Variants in HTR7 observed in about 807,000 individuals in gnomAD.
HTR7 encodes the protein 5-HT-7.
A neutral mutation model predicts 34.0 loss-of-function variants in HTR7; 16 were observed. The ratio of observed to expected loss-of-function variants is 0.47; its 90% CI spans 0.32 to 0.71. The LOEUF (loss-of-function observed/expected upper bound fraction) is 0.71, where lower values mean the gene tolerates loss of function less well. HTR7 is among the 30% of genes least tolerant of loss of function. The pLI, the probability that HTR7 is intolerant of heterozygous loss-of-function variation, is 0.04. For synonymous variants in HTR7, 265 were observed against 260.2 expected (o/e 1.02, Z -0.18); for missense variants, 504 against 625.5 (o/e 0.81, Z 2.07).
intron 1 of HTR7, among the ~76,000 whole-genome samples, chr10:90,817,277 G>A (rs1845911442): frequency 6.6e-6 from 1 of 152,194 alleles, no homozygotes; most frequent in Non-Finnish European, 1.5e-5. Flanking sequence ...CACACTTCCT[G>A]ATACTCCCAC....
At chr10:90,759,922 A>G (rs1844907185) in intron 1 of HTR7, among the ~76,000 whole-genome samples, 1 of 152,222 alleles carries the variant, frequency 6.6e-6, no homozygotes, top group African/African-American at 2.4e-5. Context: ...TGTAACATAT[A>G]GTTTATACAA....
intron 1 of HTR7, among the ~76,000 whole-genome samples, chr10:90,752,925 A>C (rs1226414124): frequency 6.6e-6 from 1 of 152,214 alleles, no homozygotes; most frequent in Non-Finnish European, 1.5e-5. Context: ...TGAGATGACA[A>C]AGGCCATTCT....
chr10:90,825,063 G>A (rs542450513), intron 1 of HTR7, among the ~76,000 whole-genome samples: 2 of 152,334 alleles, frequency 1.3e-5, no homozygotes, highest in East Asian at 3.9e-4. Context: ...AGTCCCAGTG[G>A]TGGTGAATAC....
At chr10:90,785,007 C>G (rs1711835542) in intron 1 of HTR7, among the ~76,000 whole-genome samples, 1 of 152,166 alleles carries the variant, frequency 6.6e-6, no homozygotes, top group Admixed American at 6.5e-5. Flanking sequence ...AGCTAGGATG[C>G]CGTGTCCTCC....
chr10:90,844,753 AAAAAAAAAAAAG>A (rs1846387556), intron 1 of HTR7, among the ~76,000 whole-genome samples: 6 of 144,868 alleles, frequency 4.1e-5, no homozygotes, highest in African/African-American at 7.5e-5. Context: ...AAAAAAAAAA[AAAAAAAAAAAAG>A]ATCAGTCTGG....
intron 1 of HTR7, among the ~76,000 whole-genome samples, chr10:90,750,697 T>C (rs754190419): frequency 2.6e-5 from 4 of 152,216 alleles, no homozygotes; most frequent in Admixed American, 6.5e-5. Context: ...AGTCAGTTAG[T>C]AGGTTAGAAC....
intron 1 of HTR7, among the ~76,000 whole-genome samples, chr10:90,758,675 A>C (rs1441717660): frequency 6.6e-6 from 1 of 152,172 alleles, no homozygotes; most frequent in Non-Finnish European, 1.5e-5. Context: ...AAAAGGACAC[A>C]TAACATAGTT....
At chr10:90,817,847 A>C (rs912585571) in intron 1 of HTR7, among the ~76,000 whole-genome samples, 2 of 152,268 alleles carry the variant, frequency 1.3e-5, no homozygotes, top group Admixed American at 1.3e-4. Flanking sequence ...TGAAAGAATA[A>C]ACAAAATATG....
chr10:90,795,916 T>C lies in HTR7; in HGVS notation c.540-46322A>G, dbSNP rs113670395. On this transcript the variant is annotated intron_variant, in intron 1 of 3. Transcript: ENST00000336152. The stretch of plus-strand genomic sequence containing the variant: ...ATTGGCAATTGGTTGAAAGGGTTAT[T>C]ATCAATAGAAAGGAACGTCTGGGTT... 8.4e-3 allele frequency among the ~76,000 whole-genome samples: 1,282 copies of C among 152,234 alleles called. 23 individuals are homozygous for C. The highest frequency in any genetic ancestry group is 0.029 in the African/African-American group (1,208 of 41,534).
intron 1 of HTR7, among the ~76,000 whole-genome samples, chr10:90,853,495 G>A (rs1288524792): frequency 6.6e-6 from 1 of 150,428 alleles, no homozygotes; most frequent in Non-Finnish European, 1.5e-5. Context: ...GTAGAGATGG[G>A]AGTCTCCCTG....
intron 1 of HTR7, among the ~76,000 whole-genome samples, chr10:90,830,770 A>G (rs1257394319): frequency 6.7e-6 from 1 of 149,108 alleles, no homozygotes; most frequent in Non-Finnish European, 1.5e-5. Context: ...CCTGGGTGAC[A>G]AAGTGAGACC....
At chr10:90,776,363 A>G (rs1845209741) in intron 1 of HTR7, among the ~76,000 whole-genome samples, 1 of 152,222 alleles carries the variant, frequency 6.6e-6, no homozygotes, top group East Asian at 1.9e-4. Context: ...TCATTTTCAA[A>G]TGTTTTAATT....
chr10:90,759,384 G>A (rs185980189), intron 1 of HTR7, among the ~76,000 whole-genome samples: 84 of 151,902 alleles, frequency 5.5e-4, no homozygotes, highest in African/African-American at 1.9e-3. Context: ...GGCCGGGCGC[G>A]GTGGCTCACG....
rs892314829 is a variant in HTR7, at chr10:90,848,921, G to A, written c.539+8212C>T. Among the ~76,000 whole-genome samples, 7 of 152,308 alleles carry A rather than the reference G, an allele frequency of 4.6e-5. No homozygotes were observed. In the East Asian group the frequency reaches 1.4e-3, roughly 29 times the overall value. Reference sequence around the variant, plus strand: ...TTGAAATCAGAAACTCTTGGGGTAAGGTTTCTGATTTGGTAAGGTCTGGGG... The same window carrying A: ...TTGAAATCAGAAACTCTTGGGGTAAAGTTTCTGATTTGGTAAGGTCTGGGG... On this transcript the variant is annotated intron_variant, in intron 1 of 3. Coordinates refer to ENST00000336152, the MANE Select transcript of HTR7 (RefSeq NM_019859.4).
intron 2 of HTR7, 148 bp downstream of exon 2, chr10:90,748,691 T>C: frequency 1.2e-6 from 1 of 846,826 alleles, no homozygotes; most frequent in Admixed American, 2.7e-5. Context: ...GGTGGAAGAC[T>C]GGAGTCTATA....
intron 1 of HTR7, among the ~76,000 whole-genome samples, chr10:90,762,507 T>C (rs527880552): frequency 2.0e-5 from 3 of 152,230 alleles, no homozygotes; most frequent in Non-Finnish European, 4.4e-5. Flanking sequence ...TTGAGTGATA[T>C]GGGTTCTTTA....
At chr10:90,746,112 A>G (rs1844629466) in intron 2 of HTR7, among the ~76,000 whole-genome samples, 1 of 152,206 alleles carries the variant, frequency 6.6e-6, no homozygotes, top group African/African-American at 2.4e-5. Flanking sequence ...GGGGGAAATC[A>G]TTTGACTTCT....
Position 90,742,334 on chromosome 10 carries a change from G to A in HTR7, c.*148C>T. 3.5e-6 allele frequency: 2 copies of A among 567,070 alleles called. No homozygotes were observed. The highest frequency in any genetic ancestry group is 6.2e-6 in the Non-Finnish European group (2 of 322,182). 35.1% of individuals were successfully genotyped at this position (567,070 alleles called of 1,614,324 possible). A position where few individuals can be genotyped will look rare whatever the true frequency, so the allele number is the denominator to read the frequency against. The stretch of plus-strand genomic sequence containing the variant: ...AAGTCACCATCTCCCTCATAAGATA[G>A]TGTGTACAACAGATCACCCTGTTTG... On this transcript the variant is annotated 3_prime_UTR_variant, in exon 4 of 4. Coordinates refer to ENST00000336152, the MANE Select transcript of HTR7 (RefSeq NM_019859.4).
chr10:90,755,978 A>T (rs1328583730), intron 1 of HTR7, among the ~76,000 whole-genome samples: 1 of 152,254 alleles, frequency 6.6e-6, no homozygotes, highest in Non-Finnish European at 1.5e-5. Context: ...GTATAACTCT[A>T]TAATAGTAGA....
Sources: gnomAD v4.1 joint callset for allele counts (sites outside exome capture counted in the v4.1 genomes callset) on GRCh38, gnomAD v4.1.1 for gene constraint, MANE v1.5 for transcripts, NCBI Gene and HGNC (gene_info 2026-07-23, HGNC 2026-07-21) for gene names.